NKIRAS1: variants seen among roughly 807,000 people sequenced by gnomAD.
The protein encoded by NKIRAS1 is NF-kappa-B inhibitor-interacting Ras-like protein 1.
A neutral mutation model predicts 19.8 loss-of-function variants in NKIRAS1; 16 were observed. That is an observed-to-expected ratio of 0.81 (90% CI 0.55 to 1.23). NKIRAS1 has a LOEUF of 1.23. Ranked by LOEUF, NKIRAS1 falls within the 50% of genes most tolerant of loss-of-function variation. The probability of loss-of-function intolerance (pLI) is 0.00; values close to 1 mark genes in which losing one functional copy is unlikely to be tolerated. For missense variants in NKIRAS1, 184 were observed against 220.0 expected (o/e 0.84, Z 1.04); for synonymous variants, 88 against 79.0 (o/e 1.11, Z -0.61).
upstream of NKIRAS1, chr3:23,920,666 A>G (rs898070866): frequency 1.0e-4 from 99 of 985,116 alleles, no homozygotes; most frequent in Non-Finnish European, 1.1e-4. Flanking sequence ...ATTTTCTCCT[A>G]TCTTCTCTAG....
upstream of NKIRAS1, chr3:23,921,570 G>GTTTT (rs71622703): frequency 2.8e-3 from 1,439 of 506,202 alleles, 1 homozygote; most frequent in South Asian, 5.1e-3. Flanking sequence ...TGATTATTGA[G>GTTTT]TTTTTTTTTT....
chr3:23,921,577 T>G (rs776571121), upstream of NKIRAS1: 470 of 659,074 alleles, frequency 7.1e-4, no homozygotes, highest in Middle Eastern at 1.6e-3. Context: ...TGAGTTTTTT[T>G]TTTTTTTTTT....
At position 23,901,042 on chromosome 3, in the gene NKIRAS1, T is replaced by C. The variant is rs1285273641; in HGVS notation, c.102A>G (p.Glu34=). 6.8e-6 allele frequency: 11 copies of C among 1,613,320 alleles called. No individual in the cohort carries two copies. Among genetic ancestry groups the C allele is most frequent in the Non-Finnish European group, 6.8e-6 (8 of 1,179,414 alleles). Residue 34 remains glutamate, a synonymous_variant, in exon 4 of 5, where the codon GAA becomes GAG. Transcript: ENST00000425478. Reference sequence around the variant, plus strand: ...ATACATCTTCCATTGTTTCGCAATCTTCCATTCCTGGGATTAAGAAAACAA... The same window carrying C: ...ATACATCTTCCATTGTTTCGCAATCCTCCATTCCTGGGATTAAGAAAACAA... ...LLYGNHTIGM[E]DCETMEDVYM... is the part of the protein sequence containing the mutation.
At chr3:23,945,617 T>C in intron 1 of NKIRAS1, 2 of 1,016,946 alleles carry the variant, frequency 2.0e-6, no homozygotes, top group Admixed American at 6.8e-5. Context: ...CTGCGGCGGG[T>C]GGGGGATGGC....
At chr3:23,929,299 G>A (rs922912618) in intron 1 of NKIRAS1, among the ~76,000 whole-genome samples, 2 of 152,006 alleles carry the variant, frequency 1.3e-5, no homozygotes, top group African/African-American at 4.8e-5. Context: ...AGGAGGCAGA[G>A]GTTGCAGTGA....
intron 3 of NKIRAS1, among the ~76,000 whole-genome samples, chr3:23,907,231 GCTTA>G (rs2125403267): frequency 6.6e-6 from 1 of 152,266 alleles, no homozygotes; most frequent in South Asian, 2.1e-4. Flanking sequence ...CTTATCTCTA[GCTTA>G]CTTTATTGTA....
chr3:23,943,547 A>T (rs1273367128), intron 1 of NKIRAS1, among the ~76,000 whole-genome samples: 2 of 152,240 alleles, frequency 1.3e-5, no homozygotes, highest in Non-Finnish European at 2.9e-5. Flanking sequence ...TGCCTTTTCT[A>T]GAATGTCGTA....
chr3:23,918,146 G>GA, upstream of NKIRAS1: 1 of 1,329,348 alleles, frequency 7.5e-7, no homozygotes, highest in Non-Finnish European at 1.0e-6. Context: ...GGCTTTGGCA[G>GA]AAAAAAGCTA....
chr3:23,940,759 T>C (rs1705479192), intron 1 of NKIRAS1, among the ~76,000 whole-genome samples: 1 of 152,194 alleles, frequency 6.6e-6, no homozygotes, highest in Non-Finnish European at 1.5e-5. Flanking sequence ...AGACATATTA[T>C]TGAGGCAGAA....
At chr3:23,902,246 C>T (rs1702592763) in intron 3 of NKIRAS1, among the ~76,000 whole-genome samples, 1 of 151,902 alleles carries the variant, frequency 6.6e-6, no homozygotes, top group Non-Finnish European at 1.5e-5. Flanking sequence ...TTCCAGATGC[C>T]TTACATGAAA....
chr3:23,890,412 T>C lies in NKIRAS1; in HGVS notation c.*2683A>G. ...TTTCGAAGATGGGTTTGATCACACA[T>C]ACTTTGTCGTACGTATCTACCCAAG... On this transcript the variant is annotated 3_prime_UTR_variant, in exon 5 of 5. Coordinates refer to ENST00000425478, the MANE Select transcript of NKIRAS1 (RefSeq NM_020345.4). The C allele has an allele frequency of 1.8e-6, 2 of 1,117,360 alleles. No individual in the cohort carries two copies. Among genetic ancestry groups the C allele is most frequent in the Non-Finnish European group, 1.3e-6 (1 of 782,226 alleles). The allele number at this position is 1,117,360 out of a possible 1,614,324, so 69.2% of individuals were successfully genotyped here.
Position 23,890,434 on chromosome 3 carries a change from C to T in NKIRAS1, c.*2661G>A. On this transcript the variant is annotated 3_prime_UTR_variant, in exon 5 of 5. Coordinates refer to ENST00000425478, the MANE Select transcript of NKIRAS1 (RefSeq NM_020345.4). ...ACATACTTTGTCGTACGTATCTACC[C>T]AAGCTGTCACTATTCGCTAAAGTTT... 1 of 1,429,564 alleles carries T rather than the reference C, an allele frequency of 7.0e-7. No homozygotes were observed. The highest frequency in any genetic ancestry group is 1.9e-5 in the Admixed American group (1 of 51,520). 88.6% of individuals were successfully genotyped at this position (1,429,564 alleles called of 1,614,324 possible).
At chr3:23,946,043 G>C (rs1478469826) in intron 1 of NKIRAS1, 1 of 946,044 alleles carries the variant, frequency 1.1e-6, no homozygotes, top group Non-Finnish European at 1.3e-6. Flanking sequence ...GCGCGCGCGC[G>C]CGCTGGCTGG....
intron 3 of NKIRAS1, among the ~76,000 whole-genome samples, chr3:23,908,240 G>T (rs1703265090): frequency 6.6e-6 from 1 of 152,092 alleles, no homozygotes; most frequent in Non-Finnish European, 1.5e-5. Flanking sequence ...TAAAATGCAG[G>T]ATCAATCAAT....
At chr3:23,923,161 A>AT (rs887077752) in intron 1 of NKIRAS1, 6 of 148,704 alleles carry the variant, frequency 4.0e-5, no homozygotes, top group Non-Finnish European at 8.9e-5. Flanking sequence ...CACATTGTTG[A>AT]TTTTTTTGTT....
chr3:23,943,781 T>G lies in NKIRAS1; in HGVS notation c.-140+2542A>C, dbSNP rs548978734. Among the ~76,000 whole-genome samples the G allele has an allele frequency of 6.4e-4, 97 of 152,212 alleles. 6 individuals carry two copies. The highest frequency in any genetic ancestry group is 1.9e-4 in the Non-Finnish European group (13 of 68,034). On this transcript the variant is annotated intron_variant, in intron 1 of 4. Coordinates refer to the NKIRAS1 transcript ENST00000421515. Reference sequence around the variant, plus strand: ...CCAGAAGTAGGGAAGAATAGAGGGCTACCGTGATTAGGGAACTGTGTTTAG... The same window carrying G: ...CCAGAAGTAGGGAAGAATAGAGGGCGACCGTGATTAGGGAACTGTGTTTAG...
intron 3 of NKIRAS1, among the ~76,000 whole-genome samples, chr3:23,906,274 T>C (rs1010604216): frequency 2.8e-5 from 4 of 145,292 alleles, no homozygotes; most frequent in Non-Finnish European, 6.0e-5. Context: ...AGAAAAAAAA[T>C]AGATTATCTG....
At chr3:23,909,592 T>TA (rs1182772353) in intron 3 of NKIRAS1, among the ~76,000 whole-genome samples, 1 of 152,230 alleles carries the variant, frequency 6.6e-6, no homozygotes, top group Non-Finnish European at 1.5e-5. Flanking sequence ...TCTGTTTACT[T>TA]ATCTAACACA....
chr3:23,916,722 G>GAGCGGAGA (rs1553644332), intron 1 of NKIRAS1, 62 bp downstream of exon 1: 1 of 152,282 alleles, frequency 6.6e-6, no homozygotes, highest in Admixed American at 6.6e-5. Context: ...GGACAGCGCA[G>GAGCGGAGA]CGCGGAGACG....
Sources: allele counts gnomAD v4.1 joint callset (sites outside exome capture counted in the v4.1 genomes callset), GRCh38; gene constraint gnomAD v4.1.1; transcripts MANE v1.5; gene names NCBI Gene and HGNC (gene_info 2026-07-23, HGNC 2026-07-21).